The following FSHR variants were observed in gnomAD, a reference collection of about 807,000 sequenced individuals.
FSHR encodes the protein follicle stimulating hormone receptor, also known as follicle-stimulating hormone receptor.
FSHR carries 46 observed loss-of-function variants against 52.1 expected under a neutral mutation model. That is an observed-to-expected ratio of 0.88 (90% CI 0.70 to 1.13). The LOEUF (loss-of-function observed/expected upper bound fraction) is 1.13, where lower values mean the gene tolerates loss of function less well. Ranked by LOEUF, FSHR falls within the 50% of genes most tolerant of loss-of-function variation. The probability of loss-of-function intolerance (pLI) is 0.00; values close to 1 mark genes in which losing one functional copy is unlikely to be tolerated. For missense variants in FSHR, 964 were observed against 834.6 expected (o/e 1.16, Z -1.91); for synonymous variants, 399 against 309.6 (o/e 1.29, Z -3.03).
At chr2:48,984,798 A>G (rs1347407804) in intron 6 of FSHR, among the ~76,000 whole-genome samples, 1 of 152,214 alleles carries the variant, frequency 6.6e-6, no homozygotes, top group Non-Finnish European at 1.5e-5. Context: ...CTTGCATATT[A>G]CTGTCCTGTA....
intron 1 of FSHR, among the ~76,000 whole-genome samples, chr2:49,092,697 C>A (rs1670655417): frequency 6.6e-6 from 1 of 152,164 alleles, no homozygotes; most frequent in Admixed American, 6.5e-5. Context: ...GACGGAGTCT[C>A]CCTCTGTCAC....
intron 2 of FSHR, among the ~76,000 whole-genome samples, chr2:49,023,147 C>T (rs1301124289): frequency 6.6e-6 from 1 of 152,194 alleles, no homozygotes; most frequent in Non-Finnish European, 1.5e-5. Flanking sequence ...TGCATTCCCT[C>T]TGAAAAGCCC....
chr2:49,079,443 A>G (rs1461641969), intron 1 of FSHR, among the ~76,000 whole-genome samples: 4 of 152,150 alleles, frequency 2.6e-5, no homozygotes, highest in Admixed American at 2.6e-4. Flanking sequence ...AGCTAAAGCA[A>G]TTTTAAAGAA....
chr2:48,978,814 T>G (rs2104046258), intron 8 of FSHR, among the ~76,000 whole-genome samples: 1 of 152,330 alleles, frequency 6.6e-6, no homozygotes, highest in South Asian at 2.1e-4. Flanking sequence ...CCTTGCACCC[T>G]CAGGTGTTCA....
chr2:48,976,867 C>G (rs1675013630), intron 8 of FSHR, among the ~76,000 whole-genome samples: 2 of 152,016 alleles, frequency 1.3e-5, no homozygotes, highest in African/African-American at 4.8e-5. Flanking sequence ...TTTGATTCTT[C>G]TCTCTTTTAT....
At chr2:49,018,516 A>T (rs1250479110) in intron 3 of FSHR, among the ~76,000 whole-genome samples, 3 of 152,194 alleles carry the variant, frequency 2.0e-5, no homozygotes, top group Non-Finnish European at 2.9e-5. Flanking sequence ...CAAGGAAGAG[A>T]TGAAAGACCC....
chr2:49,062,148 G>A (rs1669335501), intron 2 of FSHR, among the ~76,000 whole-genome samples: 1 of 151,934 alleles, frequency 6.6e-6, no homozygotes, highest in Non-Finnish European at 1.5e-5. Flanking sequence ...AAAGCTGAAG[G>A]CATCACAGTA....
In FSHR at chr2:49,111,516, G is replaced by A. The variant is rs939038287; in HGVS notation, c.152+42750C>T. 8.5e-5 allele frequency among the ~76,000 whole-genome samples: 13 copies of A among 152,162 alleles called. 1 individual carries two copies. Among genetic ancestry groups the A allele is most frequent in the Admixed American group, 7.2e-4 (11 of 15,266 alleles). ...TTTTTCTTCTCTCTAAGGGGAAAGA[G>A]CAGTGATTTGTTCCTCTGTTCAGGT... On this transcript the variant is annotated intron_variant, in intron 1 of 9. Transcript: ENST00000406846.
At chr2:49,128,556 G>C (rs937781238) in intron 1 of FSHR, among the ~76,000 whole-genome samples, 3 of 151,970 alleles carry the variant, frequency 2.0e-5, no homozygotes, top group Non-Finnish European at 4.4e-5. Flanking sequence ...AAGAAGAAAA[G>C]CAAGGGATGA....
At chr2:48,981,364 T>A (rs937570025) in intron 8 of FSHR, among the ~76,000 whole-genome samples, 5 of 152,200 alleles carry the variant, frequency 3.3e-5, no homozygotes, top group Admixed American at 6.5e-5. Flanking sequence ...GCTTAAAAAT[T>A]TATCTGATGA....
At chr2:49,152,187 T>C (rs528601479) in intron 1 of FSHR, among the ~76,000 whole-genome samples, 1 of 152,268 alleles carries the variant, frequency 6.6e-6, no homozygotes, top group South Asian at 2.1e-4. Flanking sequence ...CTTAGTTTTA[T>C]GCAACTTTGT....
At chr2:48,979,442 AC>A (rs35004985) in intron 8 of FSHR, among the ~76,000 whole-genome samples, 5 of 150,794 alleles carry the variant, frequency 3.3e-5, no homozygotes, top group Non-Finnish European at 7.4e-5. Context: ...CCACAAAAAC[AC>A]CCCCCCAAAA....
At chr2:49,036,289 C>CA (rs1294308559) in intron 2 of FSHR, among the ~76,000 whole-genome samples, 3 of 151,754 alleles carry the variant, frequency 2.0e-5, no homozygotes, top group South Asian at 2.1e-4. Context: ...TTATTACCAC[C>CA]AAAAAAAGGT....
chr2:48,962,876 T>C lies in FSHR; in HGVS notation c.1945A>G (p.Met649Val). ...TCTGTCCTATAAATTTGGGCTTGCA[T>C]TTCATAGCAGCCACACTTGCTCAGC... ...ILLSKCGCYE[M>V]QAQIYRTETS... The change falls in exon 10 of 10, where the codon ATG becomes GTG. Residue 649 changes from methionine (M) to valine (V), a missense_variant. Met to Val is a conservative substitution (Grantham distance 21). Coordinates refer to ENST00000406846, the MANE Select transcript of FSHR (RefSeq NM_000145.4). The C allele has an allele frequency of 6.2e-7, 1 of 1,614,152 alleles. No homozygotes were observed. Among genetic ancestry groups the C allele is most frequent in the Non-Finnish European group, 8.5e-7 (1 of 1,180,018 alleles).
chr2:48,963,101 T>G lies in FSHR; in HGVS notation c.1720A>C (p.Met574Leu), dbSNP rs1234238553. 1.9e-6 allele frequency: 3 copies of G among 1,614,090 alleles called. No individual in the cohort carries two copies. The South Asian group carries it at 3.3e-5, about 18-fold the overall frequency. Residue 574 changes from methionine to leucine, a missense_variant, in exon 10 of 10, where the codon ATG (methionine) becomes CTG (leucine). Coordinates refer to ENST00000406846, the MANE Select transcript of FSHR (RefSeq NM_000145.4). ...SSSDTRIAKR[M>L]AMLIFTDFLC... ...AAGTCAGTGAAGATGAGCATGGCCA[T>G]GCGCTTGGCGATCCTGGTGTCACTA...
At chr2:48,972,062 C>T (rs1674765241) in intron 8 of FSHR, among the ~76,000 whole-genome samples, 1 of 152,150 alleles carries the variant, frequency 6.6e-6, no homozygotes, top group African/African-American at 2.4e-5. Context: ...GAGTCATATT[C>T]AATTGCCTCC....
chr2:49,069,234 C>G (rs887443666), intron 1 of FSHR, among the ~76,000 whole-genome samples: 1 of 152,008 alleles, frequency 6.6e-6, no homozygotes, highest in East Asian at 1.9e-4. Context: ...CTGGTCTTGC[C>G]GTGGTATCCT....
In FSHR at chr2:49,134,776, G is replaced by A. The variant is rs559168847; in HGVS notation, c.152+19490C>T. 1.7e-3 allele frequency among the ~76,000 whole-genome samples: 257 copies of A among 152,304 alleles called. 3 individuals are homozygous for A. Among genetic ancestry groups the A allele is most frequent in the Non-Finnish European group, 6.8e-4 (46 of 68,034 alleles). ...TCATGTCCTTTGTATGGACATGGAT[G>A]AAATTGGAAACCATCATTCTCAGTA... On this transcript the variant is annotated intron_variant, in intron 1 of 9. Coordinates refer to ENST00000406846, the MANE Select transcript of FSHR (RefSeq NM_000145.4).
rs1244850355 is a variant in FSHR at position 48,962,448 on chromosome 2, T to C, written c.*285A>G. ...CTTATTTAACAGGGATCACTTGAGA[T>C]ATCTGAACAAAAGCACTTTGAACAT... is the stretch of plus-strand genomic sequence containing the variant. On this transcript the variant is annotated 3_prime_UTR_variant, in exon 10 of 10. Transcript: ENST00000406846. 2.0e-5 allele frequency: 8 copies of C among 392,266 alleles called. No homozygotes were observed. The Admixed American group carries it at 3.2e-4, about 16-fold the overall frequency. The allele number at this position is 392,266 out of a possible 1,614,324, so 24.3% of individuals were successfully genotyped here.
Sources: gnomAD v4.1 joint callset for allele counts (sites outside exome capture counted in the v4.1 genomes callset) on GRCh38, gnomAD v4.1.1 for gene constraint, MANE v1.5 for transcripts, NCBI Gene and HGNC (gene_info 2026-07-23, HGNC 2026-07-21) for gene names.